The following EIF3E variants were observed in gnomAD, a reference collection of about 807,000 sequenced individuals.
EIF3E encodes eukaryotic translation initiation factor 3 subunit E.
In EIF3E, 25 loss-of-function variants were observed where a neutral mutation model predicts 59.3. The ratio of observed to expected loss-of-function variants is 0.42; its 90% CI spans 0.31 to 0.59. EIF3E has a LOEUF of 0.59. EIF3E is among the 20% of genes least tolerant of loss of function. The pLI, the probability that EIF3E is intolerant of heterozygous loss-of-function variation, is 0.15. For missense variants in EIF3E, 317 were observed against 534.3 expected (o/e 0.59, Z 4.01); for synonymous variants, 176 against 170.2 (o/e 1.03, Z -0.26).
Position 108,204,782 on chromosome 8 carries a change from C to CAG in EIF3E, c.1062-1281_1062-1280dup, listed in dbSNP as rs1180539617. Among the ~76,000 whole-genome samples the CAG allele has an allele frequency of 2.2e-3, 250 of 113,084 alleles. 1 individual carries two copies. The highest frequency in any genetic ancestry group is 5.6e-3 in the African/African-American group (158 of 28,044). The allele number at this position is 113,084 out of a possible 152,430, so 74.2% of individuals were successfully genotyped here. On this transcript the variant is annotated intron_variant, in intron 10 of 12. Transcript: ENST00000220849. ...AGAGAGAGAGAGAGAGAGAGAGAGA[C>CAG]AGAGAGAGAGAGAGAGAGAGACTGA...
chr8:108,230,327 T>A (rs1815598851), intron 5 of EIF3E, among the ~76,000 whole-genome samples: 2 of 152,120 alleles, frequency 1.3e-5, no homozygotes, highest in Admixed American at 1.3e-4. Flanking sequence ...GTTGTATAGT[T>A]TAAGTGACAT....
At chr8:108,220,145 C>CAA (rs1187906919) in intron 7 of EIF3E, among the ~76,000 whole-genome samples, 2 of 104,074 alleles carry the variant, frequency 1.9e-5, no homozygotes, top group African/African-American at 3.2e-5. Flanking sequence ...CTCCATCTCC[C>CAA]AAAAAAAAAA....
intron 7 of EIF3E, among the ~76,000 whole-genome samples, chr8:108,224,522 A>C (rs1199916866): frequency 6.6e-6 from 1 of 151,584 alleles, no homozygotes; most frequent in African/African-American, 2.4e-5. Flanking sequence ...AAAAAGTCAG[A>C]ATCAAGCAAA....
chr8:108,229,033 A>C, intron 6 of EIF3E, 37 bp downstream of exon 6: 3 of 1,570,294 alleles, frequency 1.9e-6, no homozygotes, highest in East Asian at 2.3e-5. Flanking sequence ...GGATACACAG[A>C]TATTTCAGAG....
chr8:108,248,529 C>G (rs1815993821), intron 1 of EIF3E, 84 bp downstream of exon 1: 2 of 1,387,822 alleles, frequency 1.4e-6, no homozygotes, highest in Non-Finnish European at 2.0e-6. Flanking sequence ...ACGTGTCAGG[C>G]CTAGGACTAC....
intron 10 of EIF3E, among the ~76,000 whole-genome samples, chr8:108,208,003 G>T (rs964794322): frequency 2.3e-4 from 35 of 152,030 alleles, no homozygotes; most frequent in African/African-American, 8.0e-4. Context: ...CCCACTTAAG[G>T]ACAGAAGATA....
At chr8:108,247,928 G>A (rs1170063888) in intron 1 of EIF3E, among the ~76,000 whole-genome samples, 1 of 146,574 alleles carries the variant, frequency 6.8e-6, no homozygotes, top group Admixed American at 7.2e-5. Context: ...ATGATATCTT[G>A]AGTAGATAAT....
chr8:108,220,704 A>G (rs1480073472), intron 7 of EIF3E, among the ~76,000 whole-genome samples: 7 of 152,248 alleles, frequency 4.6e-5, no homozygotes. Context: ...CCAGATCAAC[A>G]TGCTGTCAAT....
At chr8:108,206,361 G>A (rs2129842638) in intron 10 of EIF3E, among the ~76,000 whole-genome samples, 1 of 152,144 alleles carries the variant, frequency 6.6e-6, no homozygotes, top group East Asian at 1.9e-4. Flanking sequence ...AGAAAAAGTG[G>A]AAGGACCTAT....
At chr8:108,241,697 A>G (rs1267821396) in intron 2 of EIF3E, 102 bp downstream of exon 2, 7 of 584,330 alleles carry the variant, frequency 1.2e-5, no homozygotes, top group Admixed American at 7.0e-5. Flanking sequence ...CATTCAAATC[A>G]TATTTAAGCC....
chr8:108,228,081 C>G (rs995987914), intron 7 of EIF3E, 186 bp downstream of exon 7: 1 of 539,918 alleles, frequency 1.9e-6, no homozygotes, highest in Admixed American at 3.9e-5. Flanking sequence ...TTAGGGTACA[C>G]TCTGTCAAAT....
chr8:108,215,701 C>T lies in EIF3E; in HGVS notation c.951+711G>A, dbSNP rs550184442. ...CTTAGAGAAGTAAGATATTTGTCAA[C>T]AAATTGCCCATTTTGTGCCAAAATT... On this transcript the variant is annotated intron_variant, in intron 9 of 12. Coordinates refer to ENST00000220849, the MANE Select transcript of EIF3E (RefSeq NM_001568.3). 5.3e-5 allele frequency among the ~76,000 whole-genome samples: 8 copies of T among 152,214 alleles called. No homozygotes were observed. The South Asian group carries it at 1.7e-3, about 32-fold the overall frequency.
At position 108,248,681 on chromosome 8, in the gene EIF3E, T is replaced by C. The variant is rs553529647; in HGVS notation, c.22A>G (p.Thr8Ala). Residue 8 changes from threonine to alanine, a missense_variant, in exon 1 of 13, where the codon ACT (threonine) becomes GCT (alanine). By Grantham distance (58) the Thr-to-Ala change is moderately conservative. Around this residue, in one of 4 missense-constraint regions of EIF3E, gnomAD observed 30 missense variants for 22.2 expected, o/e 1.35. Coordinates refer to ENST00000220849, the MANE Select transcript of EIF3E (RefSeq NM_001568.3). MAEYDLT[T>A]RIAHFLDRHL... Reference sequence around the variant, plus strand: ...CGATCCAAAAAGTGCGCGATGCGAGTAGTCAAGTCGTACTCCGCCATCTTG... The same window carrying C: ...CGATCCAAAAAGTGCGCGATGCGAGCAGTCAAGTCGTACTCCGCCATCTTG... 8.1e-6 allele frequency: 13 copies of C among 1,613,898 alleles called. No individual in the cohort carries two copies. Among genetic ancestry groups the C allele is most frequent in the South Asian group, 1.1e-5 (1 of 91,052 alleles).
intron 7 of EIF3E, chr8:108,226,191 C>CTTTTT (rs11326241): frequency 7.9e-6 from 1 of 126,330 alleles, no homozygotes; most frequent in South Asian, 2.6e-4. Flanking sequence ...TTCAATAATT[C>CTTTTT]TTTTTTTTTT....
intron 3 of EIF3E, among the ~76,000 whole-genome samples, chr8:108,238,191 TTCTTC>T (rs1340778014): frequency 6.6e-6 from 1 of 152,236 alleles, no homozygotes; most frequent in African/African-American, 2.4e-5. Flanking sequence ...CTAAAATTAC[TTCTTC>T]TAAAAGCATA....
rs892727991 is a variant in EIF3E at position 108,217,428 on chromosome 8, T to C, written c.755A>G (p.His252Arg). Residue 252 changes from histidine (H) to arginine (R), a missense_variant, in exon 8 of 13, where the codon CAC (histidine) becomes CGC (arginine). Physicochemically the swap from His to Arg is conservative, Grantham distance 29. Around this residue, in one of 4 missense-constraint regions of EIF3E, gnomAD observed 242 missense variants for 398.0 expected, o/e 0.61. Coordinates refer to ENST00000220849, the MANE Select transcript of EIF3E (RefSeq NM_001568.3). ...YLNAIQTMCP[H>R]ILRYLTTAVI... ...TGCTGTAGTCAAATAGCGAAGAATG[T>C]GTGGACACATTGTCTGAATTGCATT... 5 of 1,603,966 alleles carry C rather than the reference T, an allele frequency of 3.1e-6. No homozygotes were observed. Among genetic ancestry groups the C allele is most frequent in the Non-Finnish European group, 4.3e-6 (5 of 1,176,142 alleles).
At chr8:108,242,175 C>G in intron 1 of EIF3E, 1 of 1,348,680 alleles carries the variant, frequency 7.4e-7, no homozygotes, top group Non-Finnish European at 9.7e-7. Context: ...TTTACATGAC[C>G]TTATTTTTTA....
chr8:108,233,836 CAAAAAAAA>C lies in EIF3E; in HGVS notation c.471+1154_471+1161del, dbSNP rs35065360. On this transcript the variant is annotated intron_variant, in intron 5 of 12. Coordinates refer to ENST00000220849, the MANE Select transcript of EIF3E (RefSeq NM_001568.3). ...CCTGGGTGAGAGCAAGACCCTGTCT[CAAAAAAAA>C]AAAAAAAAAAAAAAAAAAGAAATCT... Among the ~76,000 whole-genome samples, 119 of 74,034 alleles carry C rather than the reference CAAAAAAAA, an allele frequency of 1.6e-3. 1 individual carries two copies. The highest frequency in any genetic ancestry group is 4.6e-3 in the African/African-American group (84 of 18,130). The allele number at this position is 74,034 out of a possible 152,430, so 48.6% of individuals were successfully genotyped here. A position where few individuals can be genotyped will look rare whatever the true frequency, so the allele number is the denominator to read the frequency against.
At position 108,248,678 on chromosome 8, in the gene EIF3E, G is replaced by T. The variant is rs762263369; in HGVS notation, c.25C>A (p.Arg9Ser). The change falls in exon 1 of 13, where the codon CGC becomes AGC. Residue 9 changes from arginine to serine, a missense_variant. Around this residue, in one of 4 missense-constraint regions of EIF3E, gnomAD observed 30 missense variants for 22.2 expected, o/e 1.35. Transcript: ENST00000220849. ...TGCCGATCCAAAAAGTGCGCGATGC[G>T]AGTAGTCAAGTCGTACTCCGCCATC... MAEYDLTT[R>S]IAHFLDRHLV... 4 of 1,614,058 alleles carry T rather than the reference G, an allele frequency of 2.5e-6. No homozygotes were observed. The African/African-American group carries it at 5.3e-5, about 22-fold the overall frequency.
Sources: allele counts gnomAD v4.1 joint callset (sites outside exome capture counted in the v4.1 genomes callset), GRCh38; gene constraint gnomAD v4.1.1; regional missense constraint gnomAD v4.1.1; transcripts MANE v1.5; gene names NCBI Gene and HGNC (gene_info 2026-07-23, HGNC 2026-07-21).